The following KCNH1 variants were observed in gnomAD, a reference collection of about 807,000 sequenced individuals.
KCNH1 encodes voltage-gated delayed rectifier potassium channel KCNH1.
KCNH1 carries 27 observed loss-of-function variants against 69.2 expected under a neutral mutation model. That is an observed-to-expected ratio of 0.39 (90% CI 0.29 to 0.54). KCNH1 has a LOEUF of 0.54. Ranked by LOEUF, KCNH1 falls within the 20% of genes least tolerant of loss-of-function variation. The pLI is 0.68. For synonymous variants in KCNH1, 456 were observed against 487.7 expected (o/e 0.93, Z 0.86); for missense variants, 798 against 1,261.6 (o/e 0.63, Z 5.57).
intron 6 of KCNH1, among the ~76,000 whole-genome samples, chr1:211,016,596 T>C (rs1033659964): frequency 1.3e-5 from 2 of 152,100 alleles, no homozygotes; most frequent in African/African-American, 2.4e-5. Context: ...AAAAGTATGA[T>C]TCCCAACATG....
At chr1:211,061,634 A>G (rs1243935068) in intron 5 of KCNH1, among the ~76,000 whole-genome samples, 4 of 152,202 alleles carry the variant, frequency 2.6e-5, no homozygotes, top group Non-Finnish European at 5.9e-5. Flanking sequence ...CAGGATAGAA[A>G]ATCAACATAC....
intron 9 of KCNH1, among the ~76,000 whole-genome samples, chr1:210,778,788 A>C (rs1462731771): frequency 6.6e-6 from 1 of 152,218 alleles, no homozygotes; most frequent in African/African-American, 2.4e-5. Flanking sequence ...TGAGAGTAGA[A>C]GCTAGTTGAT....
intron 10 of KCNH1, among the ~76,000 whole-genome samples, chr1:210,718,276 A>G (rs896309916): frequency 9.2e-6 from 1 of 108,948 alleles, no homozygotes; most frequent in Non-Finnish European, 2.0e-5. Context: ...ATATATGTGC[A>G]TATAAAAATA....
At chr1:211,105,526 T>A (rs1691334221) in intron 2 of KCNH1, among the ~76,000 whole-genome samples, 1 of 152,222 alleles carries the variant, frequency 6.6e-6, no homozygotes, top group Non-Finnish European at 1.5e-5. Flanking sequence ...TCCTGAGCTA[T>A]CAGGAACATA....
At chr1:210,756,578 A>C (rs987488332) in intron 10 of KCNH1, among the ~76,000 whole-genome samples, 1 of 152,188 alleles carries the variant, frequency 6.6e-6, no homozygotes, top group Non-Finnish European at 1.5e-5. Flanking sequence ...GGCCTTTGCT[A>C]CTATAGGCAG....
chr1:211,000,717 G>C (rs1021071710), intron 6 of KCNH1, among the ~76,000 whole-genome samples: 9 of 152,074 alleles, frequency 5.9e-5, no homozygotes, highest in Non-Finnish European at 2.9e-5. Context: ...CAATCCTAAG[G>C]CAAAAGAACA....
At chr1:211,030,614 G>C (rs979655058) in intron 5 of KCNH1, among the ~76,000 whole-genome samples, 6 of 151,944 alleles carry the variant, frequency 3.9e-5, no homozygotes, top group African/African-American at 1.4e-4. Context: ...ACTCAAAATG[G>C]ATTGTGGACT....
At chr1:210,948,808 A>C (rs1688009383) in intron 6 of KCNH1, among the ~76,000 whole-genome samples, 1 of 151,648 alleles carries the variant, frequency 6.6e-6, no homozygotes. Context: ...AGCCTGGGCC[A>C]CAGAGCAAGA....
chr1:210,952,548 AAAGATT>A (rs1299399574), intron 6 of KCNH1, among the ~76,000 whole-genome samples: 1 of 152,172 alleles, frequency 6.6e-6, no homozygotes, highest in Non-Finnish European at 1.5e-5. Context: ...GAGCTAGAAT[AAAGATT>A]AAAGTGTGTC....
At chr1:210,855,007 T>G (rs1371984126) in intron 7 of KCNH1, among the ~76,000 whole-genome samples, 1 of 152,168 alleles carries the variant, frequency 6.6e-6, no homozygotes, top group Admixed American at 6.5e-5. Flanking sequence ...AGCCTACCCT[T>G]TGCAATTTCT....
At chr1:211,055,674 G>A (rs1253433454) in intron 5 of KCNH1, among the ~76,000 whole-genome samples, 1 of 152,212 alleles carries the variant, frequency 6.6e-6, no homozygotes, top group Admixed American at 6.5e-5. Context: ...AGCTTGAGGA[G>A]AGGGGAGAGT....
chr1:210,679,432 C>T lies in KCNH1; in HGVS notation c.*3849G>A, dbSNP rs754584733. The T allele has an allele frequency of 5.3e-5, 8 of 152,164 alleles. No individual in the cohort carries two copies. The highest frequency in any genetic ancestry group is 8.8e-5 in the Non-Finnish European group (6 of 68,042). 9.4% of individuals were successfully genotyped at this position (152,164 alleles called of 1,614,324 possible). A position where few individuals can be genotyped will look rare whatever the true frequency, so the allele number is the denominator to read the frequency against. On this transcript the variant is annotated 3_prime_UTR_variant, in exon 11 of 11. Transcript: ENST00000271751. ...CTATTAATCAAATGCACATCAGCAA[C>T]GTGTATCTCCACCAGGGCTCCTAAA...
chr1:210,727,026 G>A lies in KCNH1; in HGVS notation c.2113-42888C>T, dbSNP rs567154999. Among the ~76,000 whole-genome samples, 9 of 152,256 alleles carry A rather than the reference G, an allele frequency of 5.9e-5. No homozygotes were observed. In the South Asian group the frequency reaches 1.7e-3, roughly 28 times the overall value. On this transcript the variant is annotated intron_variant, in intron 10 of 10. Transcript: ENST00000271751. ...TCTGGCTGACCCTACTTGGGCATGG[G>A]TTAAAAAGTCAACAATTGCTAATGA...
intron 6 of KCNH1, among the ~76,000 whole-genome samples, chr1:210,960,507 TAAATTG>T (rs756326885): frequency 5.9e-5 from 9 of 152,218 alleles, no homozygotes; most frequent in Non-Finnish European, 1.2e-4. Flanking sequence ...AATTTTTATT[TAAATTG>T]AATCATACAG....
chr1:210,822,470 C>T (rs7529524), intron 7 of KCNH1, among the ~76,000 whole-genome samples: 79,274 of 151,878 alleles, frequency 0.52, 21,496 homozygotes, highest in East Asian at 0.78. Context: ...TTTATACCGA[C>T]TCAATTATTT....
At chr1:210,848,268 T>A (rs568993351) in intron 7 of KCNH1, among the ~76,000 whole-genome samples, 1 of 152,346 alleles carries the variant, frequency 6.6e-6, no homozygotes, top group East Asian at 1.9e-4. Context: ...ATTTAGAAAA[T>A]GATTTGACAC....
chr1:211,005,986 A>T (rs1689275162), intron 6 of KCNH1, among the ~76,000 whole-genome samples: 1 of 152,212 alleles, frequency 6.6e-6, no homozygotes, highest in African/African-American at 2.4e-5. Flanking sequence ...GCAAAAATTT[A>T]TGAAACGATG....
chr1:210,981,584 A>G (rs1268568483), intron 6 of KCNH1, among the ~76,000 whole-genome samples: 4 of 152,114 alleles, frequency 2.6e-5, no homozygotes, highest in East Asian at 1.9e-4. Flanking sequence ...TACTATCTCT[A>G]TAAATACTAT....
At chr1:210,852,493 C>T (rs1685726632) in intron 7 of KCNH1, among the ~76,000 whole-genome samples, 1 of 152,062 alleles carries the variant, frequency 6.6e-6, no homozygotes, top group African/African-American at 2.4e-5. Context: ...ACCTAAGTGA[C>T]TTCTAGGAAG....
Sources: allele counts gnomAD v4.1 joint callset (sites outside exome capture counted in the v4.1 genomes callset), GRCh38; gene constraint gnomAD v4.1.1; transcripts MANE v1.5; gene names NCBI Gene and HGNC (gene_info 2026-07-23, HGNC 2026-07-21).